NXN: variants seen among roughly 807,000 people sequenced by gnomAD.
NXN encodes the protein nucleoredoxin, also known as nucleoredoxin 1.
In NXN, 16 loss-of-function variants were observed where a neutral mutation model predicts 48.6. The ratio of observed to expected loss-of-function variants is 0.33; its 90% confidence interval spans 0.22 to 0.50. NXN has a LOEUF of 0.50. Ranked by LOEUF, NXN falls within the 20% of genes least tolerant of loss-of-function variation. The pLI is 0.98. For synonymous variants in NXN, 281 were observed against 269.6 expected (o/e 1.04, Z -0.41); for missense variants, 492 against 605.5 (o/e 0.81, Z 1.97).
At chr17:960,487 G>T (rs1276715640) in intron 1 of NXN, among the ~76,000 whole-genome samples, 1 of 151,862 alleles carries the variant, frequency 6.6e-6, no homozygotes, top group Admixed American at 6.6e-5. Flanking sequence ...GGGACTACAG[G>T]TGTGCACCAA....
intron 1 of NXN, among the ~76,000 whole-genome samples, chr17:903,785 G>T (rs1211119478): frequency 6.6e-6 from 1 of 152,172 alleles, no homozygotes; most frequent in African/African-American, 2.4e-5. Flanking sequence ...GTTCAGAGAG[G>T]CTAAGGAGCT....
At chr17:841,225 TG>T (rs1457263485) in intron 1 of NXN, among the ~76,000 whole-genome samples, 1 of 152,186 alleles carries the variant, frequency 6.6e-6, no homozygotes, top group Non-Finnish European at 1.5e-5. Flanking sequence ...CCCTTCCAGA[TG>T]CTACTTCAGA....
At chr17:933,622 T>C (rs533240806) in intron 1 of NXN, among the ~76,000 whole-genome samples, 45 of 151,986 alleles carry the variant, frequency 3.0e-4, no homozygotes, top group Admixed American at 2.0e-3. Context: ...CAACACCAAA[T>C]GACTCACACA....
chr17:959,258 T>A, intron 1 of NXN: 1 of 625,558 alleles, frequency 1.6e-6, no homozygotes, highest in Non-Finnish European at 2.4e-6. Flanking sequence ...CTCCAAAGCC[T>A]TCCTTTCCCC....
At chr17:866,490 T>C (rs1026442420) in intron 1 of NXN, among the ~76,000 whole-genome samples, 4 of 152,100 alleles carry the variant, frequency 2.6e-5, no homozygotes, top group African/African-American at 9.7e-5. Flanking sequence ...GGAGAACCCT[T>C]GTACCCAGGA....
Position 801,116 on chromosome 17 carries a change from A to T in NXN, c.1141T>A (p.Ser381Thr). ...FVAGEDDMTD[S>T]LRDYTNLPEA... ...GGCAGGTTGGTGTAATCTCGCAGGG[A>T]GTCAGTCATGTCATCCTGAAGCCGT... The change falls in exon 8 of 8, where the codon TCC becomes ACC. Residue 381 changes from serine (S) to threonine (T), a missense_variant. By Grantham distance (58) the Ser-to-Thr change is moderately conservative. Transcript: ENST00000336868. 1 of 1,546,570 alleles carries T rather than the reference A, an allele frequency of 6.5e-7. No individual in the cohort carries two copies. The highest frequency in any genetic ancestry group is 8.7e-7 in the Non-Finnish European group (1 of 1,146,356).
intron 1 of NXN, among the ~76,000 whole-genome samples, chr17:977,353 G>C (rs937253387): frequency 6.6e-6 from 1 of 152,230 alleles, no homozygotes; most frequent in Non-Finnish European, 1.5e-5. Context: ...TTTCAAATGA[G>C]AGTCTGCCCT....
intron 1 of NXN, among the ~76,000 whole-genome samples, chr17:977,248 T>C (rs572693065): frequency 1.3e-5 from 2 of 152,242 alleles, no homozygotes; most frequent in South Asian, 2.1e-4. Context: ...GAATAAAGTA[T>C]AGGATGTGAG....
chr17:938,088 G>A (rs2068929341), intron 1 of NXN, among the ~76,000 whole-genome samples: 1 of 151,770 alleles, frequency 6.6e-6, no homozygotes, highest in African/African-American at 2.4e-5. Context: ...CCTTGCAATG[G>A]CCTTCTGCGT....
At chr17:856,098 C>T (rs183006619) in intron 1 of NXN, among the ~76,000 whole-genome samples, 12 of 152,080 alleles carry the variant, frequency 7.9e-5, no homozygotes, top group African/African-American at 2.9e-4. Flanking sequence ...GAGGCTGAGG[C>T]AGGAGAATCG....
intron 1 of NXN, among the ~76,000 whole-genome samples, chr17:938,941 A>G (rs1467870253): frequency 6.6e-6 from 1 of 151,838 alleles, no homozygotes; most frequent in Admixed American, 6.6e-5. Context: ...AATCCCAGCT[A>G]CACGGGACGC....
intron 1 of NXN, among the ~76,000 whole-genome samples, chr17:828,041 G>A (rs149901980): frequency 3.9e-5 from 6 of 152,220 alleles, no homozygotes; most frequent in Non-Finnish European, 5.9e-5. Context: ...CCACCTTTCC[G>A]GGGGGCTTAC....
intron 1 of NXN, among the ~76,000 whole-genome samples, chr17:882,220 C>G (rs569875312): frequency 2.0e-4 from 30 of 152,302 alleles, no homozygotes; most frequent in African/African-American, 7.0e-4. Context: ...AGCACGGCCA[C>G]CTTCCCACAA....
At chr17:922,405 C>T (rs1023415726) in intron 1 of NXN, among the ~76,000 whole-genome samples, 1 of 151,998 alleles carries the variant, frequency 6.6e-6, no homozygotes, top group African/African-American at 2.4e-5. Context: ...GATCGTGCCA[C>T]TGCACTCCAG....
At position 813,627 on chromosome 17, in the gene NXN, A is replaced by T. The variant is rs143312855; in HGVS notation, c.820+5812T>A. Reference sequence around the variant, plus strand: ...CCACTGACGTTTCTGTGTGTCAAGAAGTGCATGCATATTTGGTATTTAACT... The same window carrying T: ...CCACTGACGTTTCTGTGTGTCAAGATGTGCATGCATATTTGGTATTTAACT... On this transcript the variant is annotated intron_variant, in intron 5 of 7. Transcript: ENST00000336868. Among the ~76,000 whole-genome samples, 144 of 152,342 alleles carry T rather than the reference A, an allele frequency of 9.5e-4. 1 individual carries two copies. The highest frequency in any genetic ancestry group is 6.5e-4 in the Non-Finnish European group (44 of 68,024).
In NXN at chr17:932,351, G is replaced by T. The variant is rs1190585314; in HGVS notation, c.360+46968C>A. ...TTGCCTGGGAACTGTTGCTAGAATTGCAAACTACTGGGCCCCAGCCTGGAC... is the reference window on the plus strand; with the variant it reads ...TTGCCTGGGAACTGTTGCTAGAATTTCAAACTACTGGGCCCCAGCCTGGAC... On this transcript the variant is annotated intron_variant, in intron 1 of 7. Transcript: ENST00000336868. The surrounding 1 kb of genome is among the most constrained non-coding windows in gnomAD (Gnocchi z 4.1). Among the ~76,000 whole-genome samples the T allele has an allele frequency of 6.6e-6, 1 of 152,128 alleles. No homozygotes were observed. The highest frequency in any genetic ancestry group is 6.6e-5 in the Admixed American group (1 of 15,264).
intron 1 of NXN, among the ~76,000 whole-genome samples, chr17:863,674 G>A (rs111465284): frequency 0.014 from 2,142 of 152,052 alleles, 44 homozygotes; most frequent in African/African-American, 0.049. Flanking sequence ...TGTTGCCCAC[G>A]CTGGTCTTGA....
At chr17:884,505 C>T (rs1246412512) in intron 1 of NXN, among the ~76,000 whole-genome samples, 2 of 152,186 alleles carry the variant, frequency 1.3e-5, no homozygotes, top group South Asian at 2.1e-4. Context: ...CTCGCCAAAG[C>T]GAGTCAGGGA....
intron 1 of NXN, among the ~76,000 whole-genome samples, chr17:921,977 G>C (rs928642405): frequency 1.1e-4 from 16 of 152,320 alleles, no homozygotes; most frequent in South Asian, 2.1e-4. Flanking sequence ...TTCTCCCTCT[G>C]TATTTCTTAT....
Sources: allele counts gnomAD v4.1 joint callset (sites outside exome capture counted in the v4.1 genomes callset), GRCh38; gene constraint gnomAD v4.1.1; non-coding constraint Gnocchi (gnomAD v3.1); transcripts MANE v1.5; gene names NCBI Gene and HGNC (gene_info 2026-07-23, HGNC 2026-07-21).